Variants in EXT2 observed in about 807,000 individuals in gnomAD.
EXT2 encodes exostosin-2.
EXT2 carries 53 observed loss-of-function variants against 81.6 expected under a neutral mutation model. The ratio of observed to expected loss-of-function variants is 0.65; its 90% CI spans 0.52 to 0.82. The LOEUF (loss-of-function observed/expected upper bound fraction) is 0.82, where lower values mean the gene tolerates loss of function less well. EXT2 is among the 40% of genes least tolerant of loss of function. The pLI is 0.00. For synonymous variants in EXT2, 320 were observed against 340.0 expected (o/e 0.94, Z 0.65); for missense variants, 774 against 910.2 (o/e 0.85, Z 1.93).
chr11:44,178,147 G>A (rs1955184222), intron 8 of EXT2, among the ~76,000 whole-genome samples: 1 of 152,232 alleles, frequency 6.6e-6, no homozygotes, highest in Non-Finnish European at 1.5e-5. Context: ...TGGGCAAAAT[G>A]TGGTAGAGTG....
chr11:44,173,633 A>G (rs1955111001), intron 8 of EXT2, among the ~76,000 whole-genome samples: 1 of 140,844 alleles, frequency 7.1e-6, no homozygotes, highest in Non-Finnish European at 1.5e-5. Context: ...CAGTAGCGCA[A>G]TGCCGGCTCA....
chr11:44,172,600 T>TTTTA (rs1955092306), intron 8 of EXT2, among the ~76,000 whole-genome samples: 1 of 111,382 alleles, frequency 9.0e-6, no homozygotes, highest in African/African-American at 3.0e-5. Context: ...TTTTTTTTTT[T>TTTTA]GAGATGGAGT....
At chr11:44,241,212 G>A (rs755900091) in intron 13 of EXT2, among the ~76,000 whole-genome samples, 1 of 151,962 alleles carries the variant, frequency 6.6e-6, no homozygotes, top group African/African-American at 2.4e-5. Flanking sequence ...AGCATGTGTC[G>A]CTGTTCATTT....
intron 9 of EXT2, among the ~76,000 whole-genome samples, chr11:44,203,383 C>T (rs934915749): frequency 6.6e-6 from 1 of 152,190 alleles, no homozygotes; most frequent in Non-Finnish European, 1.5e-5. Context: ...TAATCACATC[C>T]ACTGGATTAG....
At chr11:44,124,618 TATATA>T (rs1954370356) in intron 4 of EXT2, among the ~76,000 whole-genome samples, 166 bp from the exon 5 acceptor site, 1 of 152,124 alleles carries the variant, frequency 6.6e-6, no homozygotes, top group Non-Finnish European at 1.5e-5. Context: ...TTTCTCACAA[TATATA>T]ATATTTTAAA....
intron 7 of EXT2, among the ~76,000 whole-genome samples, chr11:44,134,121 T>A (rs1013434793): frequency 2.0e-5 from 3 of 152,224 alleles, no homozygotes; most frequent in Non-Finnish European, 4.4e-5. Context: ...GGCAGACTAC[T>A]GGGGGCTTAT....
Position 44,211,080 on chromosome 11 carries a change from G to A in EXT2, c.1662+4121G>A, listed in dbSNP as rs548346415. ...GCTATAAAGCTACGGTAATCAAGAC[G>A]TGGTGGTATTGGTATAAATTTAGAT... is the stretch of plus-strand genomic sequence containing the variant. On this transcript the variant is annotated intron_variant, in intron 10 of 13. Coordinates refer to ENST00000533608, the MANE Select transcript of EXT2 (RefSeq NM_207122.2). Among the ~76,000 whole-genome samples, 140 of 152,294 alleles carry A rather than the reference G, an allele frequency of 9.2e-4. 1 individual carries two copies. Among genetic ancestry groups the A allele is most frequent in the Non-Finnish European group, 1.4e-3 (92 of 68,016 alleles).
At chr11:44,133,157 T>C (rs1044011917) in intron 7 of EXT2, among the ~76,000 whole-genome samples, 1 of 152,250 alleles carries the variant, frequency 6.6e-6, no homozygotes, top group Non-Finnish European at 1.5e-5. Context: ...AGATAGTTAA[T>C]GTCTCATCTC....
At chr11:44,239,374 G>A (rs79237723) in intron 13 of EXT2, among the ~76,000 whole-genome samples, 1 of 147,462 alleles carries the variant, frequency 6.8e-6, no homozygotes, top group Non-Finnish European at 1.5e-5. Flanking sequence ...TGATTTGGGG[G>A]TCTTTCCCTC....
intron 1 of EXT2, among the ~76,000 whole-genome samples, chr11:44,102,909 T>C (rs1315890316): frequency 6.6e-6 from 1 of 152,214 alleles, no homozygotes; most frequent in Non-Finnish European, 1.5e-5. Flanking sequence ...TGTTTGTTTT[T>C]TTCTTATTGC....
chr11:44,104,533 C>T (rs1954027910), intron 1 of EXT2: 2 of 152,158 alleles, frequency 1.3e-5, no homozygotes. Context: ...TTCTGTGGCC[C>T]TATTTTAAAC....
intron 8 of EXT2, among the ~76,000 whole-genome samples, chr11:44,192,190 C>T (rs1396666914): frequency 1.3e-5 from 2 of 152,148 alleles, no homozygotes; most frequent in African/African-American, 2.4e-5. Context: ...ACATGCCGCT[C>T]AGCTTGCCCC....
At chr11:44,128,304 C>G (rs901054796) in intron 6 of EXT2, among the ~76,000 whole-genome samples, 1 of 152,120 alleles carries the variant, frequency 6.6e-6, no homozygotes, top group African/African-American at 2.4e-5. Flanking sequence ...ACCATGGAAA[C>G]CCAAAAGAGA....
At chr11:44,122,062 C>A (rs559466365) in intron 4 of EXT2, among the ~76,000 whole-genome samples, 1 of 152,114 alleles carries the variant, frequency 6.6e-6, no homozygotes, top group Non-Finnish European at 1.5e-5. Context: ...GGATGCCCAC[C>A]TGTTTATTCT....
rs188691183 is a variant in EXT2 at position 44,109,586 on chromosome 11, G to A, written c.626+303G>A. On this transcript the variant is annotated intron_variant, in intron 3 of 13. Transcript: ENST00000533608. ...GCTTGTGCTAGCTCTCTCTGAATTC[G>A]GGAGCATTTGCCACAAGTAGATGCA... is the stretch of plus-strand genomic sequence containing the variant. Among the ~76,000 whole-genome samples the A allele has an allele frequency of 6.6e-5, 10 of 152,212 alleles. No individual in the cohort carries two copies. The East Asian group carries it at 9.6e-4, about 15-fold the overall frequency.
rs1954089321 is a variant in EXT2, at chr11:44,108,185, A to G, written c.473A>G (p.Asp158Gly). ...GCCTGTCTGTTTGTTCCCTCCATCG[A>G]TGTGCTTAACCAGAACACACTGCGC... ...NRACLFVPSI[D>G]VLNQNTLRIK... The change falls in exon 2 of 14, where the codon GAT becomes GGT. Residue 158 changes from aspartate to glycine, a missense_variant. Around this residue, in one of 2 missense-constraint regions of EXT2, gnomAD observed 626 missense variants for 670.5 expected, o/e 0.93. Coordinates refer to ENST00000533608, the MANE Select transcript of EXT2 (RefSeq NM_207122.2). 6.2e-7 allele frequency: 1 copy of G among 1,613,886 alleles called. No individual in the cohort carries two copies.
intron 4 of EXT2, among the ~76,000 whole-genome samples, chr11:44,119,659 G>A (rs1954288378): frequency 6.6e-6 from 1 of 152,202 alleles, no homozygotes; most frequent in Non-Finnish European, 1.5e-5. Flanking sequence ...TCAGTTCCAG[G>A]GATGATGGGA....
At position 44,234,220 on chromosome 11, in the gene EXT2, G is replaced by A. The variant is rs145024832; in HGVS notation, c.1912G>A (p.Val638Ile). The A allele has an allele frequency of 6.7e-5, 108 of 1,614,050 alleles. No homozygotes were observed. In the African/African-American group the frequency reaches 1.0e-3, roughly 15 times the overall value. ...TGCCATGAACTTCCTGGTGGCCAACGTCACGGGAAAAGCAGTTATCAAGGT... is the reference window on the plus strand; with the variant it reads ...TGCCATGAACTTCCTGGTGGCCAACATCACGGGAAAAGCAGTTATCAAGGT... ...DIAMNFLVAN[V>I]TGKAVIKVTP... Residue 638 changes from valine to isoleucine, a missense_variant, in exon 12 of 14, where the codon GTC (valine) becomes ATC (isoleucine). Transcript: ENST00000533608.
chr11:44,105,761 G>A (rs867611330), intron 1 of EXT2, among the ~76,000 whole-genome samples: 1 of 152,114 alleles, frequency 6.6e-6, no homozygotes, highest in African/African-American at 2.4e-5. Context: ...CTTAAAATGT[G>A]GTCTACATGG....
Sources: gnomAD v4.1 joint callset for allele counts (sites outside exome capture counted in the v4.1 genomes callset) on GRCh38, gnomAD v4.1.1 for gene constraint, gnomAD v4.1.1 regional missense constraint, MANE v1.5 for transcripts, NCBI Gene and HGNC (gene_info 2026-07-23, HGNC 2026-07-21) for gene names.